The following SLC16A2 variants were observed in gnomAD, a reference collection of about 807,000 sequenced individuals.
SLC16A2 encodes the protein solute carrier family 16 member 2.
In SLC16A2, 3 loss-of-function variants were observed where a neutral mutation model predicts 27.2. That is an observed-to-expected ratio of 0.11 (90% CI 0.05 to 0.28). The LOEUF (loss-of-function observed/expected upper bound fraction) is 0.28. Among genes scored for constraint, SLC16A2 ranks in the 10% least tolerant of loss-of-function variants. The probability of loss-of-function intolerance (pLI) is 1.00; values close to 1 mark genes in which losing one functional copy is unlikely to be tolerated. For missense variants in SLC16A2, 295 were observed against 458.5 expected, an observed-to-expected ratio of 0.64 and a Z score of 3.26; for synonymous variants, 202 against 187.8, an observed-to-expected ratio of 1.08 and a Z score of -0.62.
Position 74,434,998 on chromosome X carries a change from AT to A in SLC16A2, c.430+12944del, listed in dbSNP as rs373253163. 1.6e-3 allele frequency among the ~76,000 whole-genome samples: 151 copies of A among 95,892 alleles called. 1 individual carries two copies. Among genetic ancestry groups the A allele is most frequent in the East Asian group, 6.2e-3 (19 of 3,074 alleles). 83.3% of individuals were successfully genotyped at this position (95,892 alleles called of 115,157 possible). ...GCCACCATGCCCAGCTAATTTTTGT[AT>A]TTTTTTTTTTTTAGTAGAGACGGGG... On this transcript the variant is annotated intron_variant, in intron 1 of 5. Transcript: ENST00000587091.
At chrX:74,430,383 T>C (rs895508688) in intron 1 of SLC16A2, among the ~76,000 whole-genome samples, 2 of 111,741 alleles carry the variant, frequency 1.8e-5, no homozygotes, top group Admixed American at 9.5e-5. Flanking sequence ...GTTGCAGTTT[T>C]TCATTCCTGT....
intron 2 of SLC16A2, 27 bp from the exon 3 acceptor site, chrX:74,524,332 G>A (rs377054339): frequency 1.7e-5 from 20 of 1,203,354 alleles, no homozygotes; most frequent in Non-Finnish European, 1.8e-5. Flanking sequence ...AGGCTGCTGA[G>A]GACAGCTCTT....
chrX:74,509,887 G>A (rs1395535183), intron 1 of SLC16A2, among the ~76,000 whole-genome samples: 1 of 112,115 alleles, frequency 8.9e-6, no homozygotes, highest in Non-Finnish European at 1.9e-5. Context: ...AGATATTGTG[G>A]GATTCAATTT....
At chrX:74,430,130 G>C (rs779889816) in intron 1 of SLC16A2, among the ~76,000 whole-genome samples, 1 of 112,375 alleles carries the variant, frequency 8.9e-6, no homozygotes, top group South Asian at 3.7e-4. Flanking sequence ...GTCTGTGCGA[G>C]GCACTATACT....
At chrX:74,430,066 G>T (rs1928506763) in intron 1 of SLC16A2, among the ~76,000 whole-genome samples, 2 of 112,245 alleles carry the variant, frequency 1.8e-5, no homozygotes, top group South Asian at 7.4e-4. Context: ...AATAATAGTG[G>T]TGGTAGTAAT....
intron 1 of SLC16A2, among the ~76,000 whole-genome samples, chrX:74,470,874 C>T (rs922884371): frequency 1.7e-4 from 19 of 110,772 alleles, no homozygotes; most frequent in African/African-American, 6.2e-4. Context: ...GGAGGCGGAG[C>T]TTGCAGTGAG....
chrX:74,527,539 A>G (rs1008029572), intron 4 of SLC16A2, among the ~76,000 whole-genome samples: 2 of 112,274 alleles, frequency 1.8e-5, no homozygotes, highest in Non-Finnish European at 3.8e-5. Flanking sequence ...AAAGACAAGC[A>G]CATATCTCTG....
chrX:74,441,113 A>G (rs995336622), intron 1 of SLC16A2, among the ~76,000 whole-genome samples: 5 of 108,805 alleles, frequency 4.6e-5, no homozygotes, highest in Non-Finnish European at 9.5e-5. Context: ...GCTAGAGTGC[A>G]GTGACACGAT....
chrX:74,431,022 G>A (rs757410503), intron 1 of SLC16A2, among the ~76,000 whole-genome samples: 45 of 112,841 alleles, frequency 4.0e-4, no homozygotes, highest in African/African-American at 1.1e-3. Flanking sequence ...GATTACAGGC[G>A]TGTGCCACTG....
chrX:74,455,262 C>A (rs773747419), intron 1 of SLC16A2, among the ~76,000 whole-genome samples: 1 of 111,198 alleles, frequency 9.0e-6, no homozygotes, highest in Non-Finnish European at 1.9e-5. Flanking sequence ...AAATACTATA[C>A]GCTTTCATAT....
chrX:74,436,189 G>A (rs759886393), intron 1 of SLC16A2, among the ~76,000 whole-genome samples: 2 of 85,326 alleles, frequency 2.3e-5, no homozygotes, highest in Admixed American at 2.7e-4. Context: ...GAAAAAGGAA[G>A]AGTGTGTACG....
intron 3 of SLC16A2, 74 bp downstream of exon 3, chrX:74,524,883 G>T: frequency 1.1e-6 from 1 of 930,327 alleles, no homozygotes; most frequent in Non-Finnish European, 1.5e-6. Flanking sequence ...ATTCCAGAGG[G>T]TGGGGGTGGG....
chrX:74,474,556 G>C (rs1269440906), intron 1 of SLC16A2, among the ~76,000 whole-genome samples: 2 of 108,278 alleles, frequency 1.8e-5, no homozygotes, highest in Non-Finnish European at 3.8e-5. Context: ...ATATATGTGT[G>C]CCATGTTGGT....
rs191337726 is a variant in SLC16A2 at position 74,491,300 on chromosome X, C to T, written c.431-29690C>T. On this transcript the variant is annotated intron_variant, in intron 1 of 5. Transcript: ENST00000587091. ...ATTTAAGATATACATTGGTTTGGTT[C>T]AGAAAGGTGAAACAACTTGAAGCTG... Among the ~76,000 whole-genome samples, 89 of 111,801 alleles carry T rather than the reference C, an allele frequency of 8.0e-4. 1 individual carries two copies. The highest frequency in any genetic ancestry group is 2.4e-3 in the African/African-American group (74 of 30,815).
intron 1 of SLC16A2, among the ~76,000 whole-genome samples, chrX:74,492,211 G>T (rs751691008): frequency 2.7e-4 from 30 of 111,663 alleles, no homozygotes; most frequent in Non-Finnish European, 4.7e-4. Context: ...GGTGGTGGGA[G>T]GGGGACTCAT....
At chrX:74,434,416 C>T (rs1333541126) in intron 1 of SLC16A2, among the ~76,000 whole-genome samples, 4 of 111,723 alleles carry the variant, frequency 3.6e-5, no homozygotes, top group Admixed American at 9.5e-5. Flanking sequence ...TGCTTGGATT[C>T]TGGGTCTTTG....
chrX:74,460,499 A>G (rs997107919), intron 1 of SLC16A2, among the ~76,000 whole-genome samples: 2 of 111,488 alleles, frequency 1.8e-5, no homozygotes, highest in African/African-American at 3.3e-5. Context: ...CTCTTAATAA[A>G]TCCCTGCATA....
At chrX:74,424,159 A>T in intron 1 of SLC16A2, among the ~76,000 whole-genome samples, 1 of 110,299 alleles carries the variant, frequency 9.1e-6, no homozygotes, top group Admixed American at 9.7e-5. Flanking sequence ...TCTGACACAG[A>T]CCAGGTTCAC....
intron 1 of SLC16A2, among the ~76,000 whole-genome samples, chrX:74,446,228 C>T (rs1313430672): frequency 9.0e-6 from 1 of 111,597 alleles, no homozygotes; most frequent in African/African-American, 3.3e-5. Flanking sequence ...AAAGCATGGT[C>T]TGCCTCATCT....
Sources: gnomAD v4.1 joint callset for allele counts (sites outside exome capture counted in the v4.1 genomes callset) on GRCh38, gnomAD v4.1.1 for gene constraint, MANE v1.5 for transcripts, NCBI Gene and HGNC (gene_info 2026-07-23, HGNC 2026-07-21) for gene names.